Variants in RARG observed in about 807,000 individuals in gnomAD.
RARG encodes the protein RAR-gamma.
RARG carries 17 observed loss-of-function variants against 43.7 expected under a neutral mutation model. The observed-to-expected ratio is 0.39, with a 90% CI of 0.27 to 0.58. The LOEUF is 0.58. Ranked by LOEUF, RARG falls within the 20% of genes least tolerant of loss-of-function variation. RARG has a pLI of 0.57. For synonymous variants in RARG, 238 were observed against 236.4 expected (o/e 1.01, Z -0.06); for missense variants, 346 against 598.7 (o/e 0.58, Z 4.40).
intron 5 of RARG, chr12:53,214,941 G>C: frequency 2.5e-6 from 1 of 397,582 alleles, no homozygotes; most frequent in Non-Finnish European, 4.5e-6. Context: ...TGGGGGCGAG[G>C]GGGGGGTGGA....
intron 3 of RARG, among the ~76,000 whole-genome samples, chr12:53,223,536 C>G: frequency 6.6e-6 from 1 of 150,880 alleles, no homozygotes; most frequent in African/African-American, 2.4e-5. Flanking sequence ...CCCCCCCCGC[C>G]CAAGAGGTTT....
Position 53,212,959 on chromosome 12 carries a change from C to G in RARG, c.1177+126G>C, listed in dbSNP as rs1052938647. ...AGTCTCCCACTACTATGTGGCAGAG[C>G]TAGGATTCCAGTGTAGATTGCCTGG... is the stretch of plus-strand genomic sequence containing the variant. On this transcript the variant is annotated intron_variant, in intron 9 of 9. Transcript: ENST00000425354. 3.3e-6 allele frequency: 4 copies of G among 1,197,880 alleles called. No homozygotes were observed. The African/African-American group carries it at 6.2e-5, about 19-fold the overall frequency. 74.2% of individuals were successfully genotyped at this position (1,197,880 alleles called of 1,614,324 possible). A position where few individuals can be genotyped will look rare whatever the true frequency, so the allele number is the denominator to read the frequency against.
At position 53,214,533 on chromosome 12, in the gene RARG, G is replaced by T; in HGVS notation, c.549C>A (p.Ser183Arg). Residue 183 changes from serine (S) to arginine (R), a missense_variant, in exon 6 of 10, where the codon AGC becomes AGA. This residue lies in a region of RARG where 67 missense variants were observed against 79.6 expected (regional missense o/e 0.84). Coordinates refer to ENST00000425354, the MANE Select transcript of RARG (RefSeq NM_000966.6). ...EEGSPDSYEL[S>R]PQLEELITKV... ...TGGTGATGAGCTCTTCTAACTGAGG[G>T]CTCAGCTCATAGCTGTCAGGTGACC... is the stretch of plus-strand genomic sequence containing the variant. 1 of 1,613,756 alleles carries T rather than the reference G, an allele frequency of 6.2e-7. No homozygotes were observed. The highest frequency in any genetic ancestry group is 8.5e-7 in the Non-Finnish European group (1 of 1,179,688).
intron 3 of RARG, among the ~76,000 whole-genome samples, chr12:53,222,557 C>T (rs1341420290): frequency 1.3e-5 from 2 of 152,064 alleles, no homozygotes; most frequent in Non-Finnish European, 2.9e-5. Flanking sequence ...GAGGAGGGCA[C>T]AGGAGGAGTT....
intron 3 of RARG, among the ~76,000 whole-genome samples, chr12:53,222,262 A>T (rs1308629049): frequency 6.7e-6 from 1 of 149,876 alleles, no homozygotes. Flanking sequence ...AAGAAAGAAG[A>T]AAGAAAAAGG....
chr12:53,211,889 G>T lies in RARG; in HGVS notation c.1178-26C>A, dbSNP rs764387125. 1 of 1,389,148 alleles carries T rather than the reference G, an allele frequency of 7.2e-7. No homozygotes were observed. Among genetic ancestry groups the T allele is most frequent in the Non-Finnish European group, 9.5e-7 (1 of 1,048,128 alleles). 86.1% of individuals were successfully genotyped at this position (1,389,148 alleles called of 1,614,324 possible). A position where few individuals can be genotyped will look rare whatever the true frequency, so the allele number is the denominator to read the frequency against. On this transcript the variant is annotated intron_variant, in intron 9 of 9. Coordinates refer to ENST00000425354, the MANE Select transcript of RARG (RefSeq NM_000966.6). The surrounding 1 kb of genome is among the most constrained non-coding windows in gnomAD (Gnocchi z 4.6). ...CTACAATGGAGAGAGAAAGAGAGAG[G>T]CTCAGGAGGACAGAGGCACATGGCC...
In RARG at chr12:53,229,466, T is replaced by A. The variant is rs188374031; in HGVS notation, c.-143+1703A>T. On this transcript the variant is annotated intron_variant, in intron 2 of 9. Coordinates refer to ENST00000425354, the MANE Select transcript of RARG (RefSeq NM_000966.6). ...GCCATCACATTTCACTCAGCCCTTA[T>A]GAATGAAGCATCCCCTGCCCCTCAC... 2.6e-4 allele frequency among the ~76,000 whole-genome samples: 40 copies of A among 152,296 alleles called. No homozygotes were observed. The East Asian group carries it at 7.3e-3, about 28-fold the overall frequency.
chr12:53,222,150 A>C (rs534885053), intron 3 of RARG, among the ~76,000 whole-genome samples: 31 of 151,912 alleles, frequency 2.0e-4, no homozygotes, highest in Admixed American at 2.0e-3. Context: ...AACCCAGTGT[A>C]AACTCCCTTC....
At chr12:53,221,906 T>C (rs1021069094) in intron 3 of RARG, among the ~76,000 whole-genome samples, 1 of 151,644 alleles carries the variant, frequency 6.6e-6, no homozygotes, top group East Asian at 1.9e-4. Context: ...TCTAAGAATC[T>C]GTTGTACCGG....
Position 53,211,754 on chromosome 12 carries a change from A to C in RARG, c.1287T>G (p.Pro429=), listed in dbSNP as rs1336661370. 6.4e-7 allele frequency: 1 copy of C among 1,568,054 alleles called. No individual in the cohort carries two copies. Among genetic ancestry groups the C allele is most frequent in the Middle Eastern group, 1.7e-4 (1 of 5,904 alleles). The change falls in exon 10 of 10, where the codon CCT becomes CCG. Residue 429 remains proline (P), a synonymous_variant. Coordinates refer to ENST00000425354, the MANE Select transcript of RARG (RefSeq NM_000966.6). This position sits in a 1 kb window ranked among gnomAD's most constrained non-coding sequence, Gnocchi z 4.6. ...PEMFEDDSSQ[P]GPHPNASSED... is the part of the protein sequence containing the mutation. ...CGCTAGAGGCATTGGGGTGGGGACC[A>C]GGCTGCGAGGAGTCATCCTCAAACA... is the stretch of plus-strand genomic sequence containing the variant.
intron 3 of RARG, among the ~76,000 whole-genome samples, chr12:53,221,637 C>G (rs1942965886): frequency 6.6e-6 from 1 of 152,300 alleles, no homozygotes; most frequent in East Asian, 1.9e-4. Context: ...GGGCGGGGGG[C>G]TGGCCACGTC....
At chr12:53,217,220 G>C (rs1394533298) in intron 3 of RARG, among the ~76,000 whole-genome samples, 2 of 152,118 alleles carry the variant, frequency 1.3e-5, no homozygotes, top group Non-Finnish European at 2.9e-5. Flanking sequence ...AGAGAGGAGA[G>C]GGGGGAAAGA....
At chr12:53,219,887 C>A (rs1452215744) in intron 3 of RARG, 44 of 1,375,970 alleles carry the variant, frequency 3.2e-5, no homozygotes, top group Non-Finnish European at 4.2e-5. Flanking sequence ...TCTTTACACA[C>A]GGAAAGAGTA....
At position 53,213,748 on chromosome 12, in the gene RARG, G is replaced by A; in HGVS notation, c.814-48C>T. On this transcript the variant is annotated intron_variant, in intron 7 of 9. Transcript: ENST00000425354. This position sits in a 1 kb window ranked among gnomAD's most constrained non-coding sequence, Gnocchi z 4.7. Reference sequence around the variant, plus strand: ...GGTTAGTGCTGTTTCTGGGGGATGGGGAAAAGAGGGAATGAGTGGAAAGTG... The same window carrying A: ...GGTTAGTGCTGTTTCTGGGGGATGGAGAAAAGAGGGAATGAGTGGAAAGTG... 6.6e-7 allele frequency: 1 copy of A among 1,517,032 alleles called. No individual in the cohort carries two copies. Among genetic ancestry groups the A allele is most frequent in the Non-Finnish European group, 9.1e-7 (1 of 1,099,326 alleles). 94.0% of individuals were successfully genotyped at this position (1,517,032 alleles called of 1,614,324 possible). A position where few individuals can be genotyped will look rare whatever the true frequency, so the allele number is the denominator to read the frequency against.
intron 3 of RARG, among the ~76,000 whole-genome samples, chr12:53,221,786 C>T (rs535827530): frequency 6.6e-6 from 1 of 151,178 alleles, no homozygotes; most frequent in South Asian, 2.1e-4. Flanking sequence ...CCTGCCCAGC[C>T]GGCTCTGTCA....
At chr12:53,214,757 A>C (rs2120621530) in intron 5 of RARG, 151 bp from the exon 6 acceptor site, 3 of 868,182 alleles carry the variant, frequency 3.5e-6, no homozygotes, top group Middle Eastern at 3.5e-4. Flanking sequence ...ATCACCTATA[A>C]TAGCTCCTAT....
chr12:53,224,151 C>T (rs1943054297), intron 3 of RARG, among the ~76,000 whole-genome samples: 1 of 152,118 alleles, frequency 6.6e-6, no homozygotes, highest in Admixed American at 6.5e-5. Context: ...CTCTGCTTTC[C>T]ATGAGCACAG....
intron 3 of RARG, among the ~76,000 whole-genome samples, chr12:53,225,328 C>T (rs975300982): frequency 3.3e-5 from 5 of 152,208 alleles, no homozygotes; most frequent in Non-Finnish European, 5.9e-5. Flanking sequence ...AATCCCTCCT[C>T]ACTCCTCACA....
At chr12:53,226,070 C>T (rs771418108) in intron 3 of RARG, among the ~76,000 whole-genome samples, 2 of 152,212 alleles carry the variant, frequency 1.3e-5, no homozygotes, top group African/African-American at 2.4e-5. Context: ...TCTTTGGGGA[C>T]CTGGCACAGG....
Sources: gnomAD v4.1 joint callset for allele counts (sites outside exome capture counted in the v4.1 genomes callset) on GRCh38, gnomAD v4.1.1 for gene constraint, gnomAD v4.1.1 regional missense constraint, Gnocchi (gnomAD v3.1) non-coding constraint, MANE v1.5 for transcripts, NCBI Gene and HGNC (gene_info 2026-07-23, HGNC 2026-07-21) for gene names.